Variants in GFRA2 observed in about 807,000 individuals in gnomAD.
GFRA2 encodes the protein GDNF family receptor alpha 2.
A neutral mutation model predicts 48.3 loss-of-function variants in GFRA2; 17 were observed. The ratio of observed to expected loss-of-function variants is 0.35; its 90% CI spans 0.24 to 0.53. GFRA2 has a LOEUF of 0.53. Ranked by LOEUF, GFRA2 falls within the 20% of genes least tolerant of loss-of-function variation. GFRA2 has a pLI of 0.93. For missense variants in GFRA2, 660 were observed against 637.3 expected, an observed-to-expected ratio of 1.04 and a Z score of -0.38; for synonymous variants, 305 against 257.2, an observed-to-expected ratio of 1.19 and a Z score of -1.78.
chr8:21,716,760 A>G (rs991339367), intron 4 of GFRA2, among the ~76,000 whole-genome samples: 5 of 152,236 alleles, frequency 3.3e-5, no homozygotes, highest in Non-Finnish European at 5.9e-5. Flanking sequence ...AATAGTAAAA[A>G]AACACAGCCA....
chr8:21,741,809 C>T (rs1381393074), intron 4 of GFRA2, among the ~76,000 whole-genome samples: 1 of 151,876 alleles, frequency 6.6e-6, no homozygotes, highest in Non-Finnish European at 1.5e-5. Flanking sequence ...GCAGTCCCAG[C>T]TACTCAGGAG....
At position 21,693,171 on chromosome 8, in the gene GFRA2, A is replaced by ATT; in HGVS notation, c.*105_*106dup. The ATT allele has an allele frequency of 1.1e-5, 12 of 1,061,240 alleles. No homozygotes were observed. The highest frequency in any genetic ancestry group is 3.5e-5 in the Admixed American group (1 of 28,232). 65.7% of individuals were successfully genotyped at this position (1,061,240 alleles called of 1,614,324 possible). On this transcript the variant is annotated 3_prime_UTR_variant, in exon 9 of 9. Transcript: ENST00000524240. ...GTTCAGCGACAAGGTGGGAAAAACA[A>ATT]TTTTTTTTTTGCAAGGTGTGTGTGT... is the stretch of plus-strand genomic sequence containing the variant.
At chr8:21,791,413 AC>A (rs1194935585), upstream of GFRA2, among the ~76,000 whole-genome samples, 4 of 151,868 alleles carry the variant, frequency 2.6e-5, no homozygotes, top group Non-Finnish European at 5.9e-5. Context: ...CTGACCTTGG[AC>A]CCTCTCTTAC....
intron 4 of GFRA2, among the ~76,000 whole-genome samples, chr8:21,721,225 A>G (rs1240397528): frequency 6.6e-6 from 1 of 152,194 alleles, no homozygotes; most frequent in African/African-American, 2.4e-5. Flanking sequence ...AAGATAGTTC[A>G]GCTCCCAGAA....
intron 2 of GFRA2, among the ~76,000 whole-genome samples, chr8:21,781,314 T>G (rs1435399774): frequency 1.3e-5 from 2 of 151,100 alleles, no homozygotes; most frequent in Non-Finnish European, 3.0e-5. Flanking sequence ...TGCCCCTAAT[T>G]CTCCTCCCCA....
intron 2 of GFRA2, among the ~76,000 whole-genome samples, chr8:21,798,603 TG>T (rs1174335787): frequency 6.6e-6 from 1 of 152,182 alleles, no homozygotes; most frequent in Non-Finnish European, 1.5e-5. Context: ...GGGACAAGGA[TG>T]ATCAAATGAG....
chr8:21,760,543 A>T (rs1805854618), intron 3 of GFRA2, among the ~76,000 whole-genome samples: 1 of 152,254 alleles, frequency 6.6e-6, no homozygotes, highest in Non-Finnish European at 1.5e-5. Flanking sequence ...AAGACTTGGA[A>T]GGAAAGAAGA....
At chr8:21,724,779 T>C (rs6986421) in intron 4 of GFRA2, among the ~76,000 whole-genome samples, 66,063 of 151,928 alleles carry the variant, frequency 0.43, 16,982 homozygotes, top group African/African-American at 0.73. Flanking sequence ...AAGTGTTAGC[T>C]CCCTTGACAC....
rs534582447 is a variant in GFRA2, at chr8:21,725,653, CCT to C, written c.795-19614_795-19613del. 6.6e-5 allele frequency among the ~76,000 whole-genome samples: 10 copies of C among 152,232 alleles called. No homozygotes were observed. The East Asian group carries it at 1.9e-3, about 29-fold the overall frequency. ...TAGTGCATTTAATCCTCATGAACAC[CCT>C]GAGATACACAGGTAGTGCAAAATTC... is the stretch of plus-strand genomic sequence containing the variant. On this transcript the variant is annotated intron_variant, in intron 4 of 8. Transcript: ENST00000524240.
chr8:21,753,224 C>T (rs575513623), intron 3 of GFRA2, among the ~76,000 whole-genome samples: 81 of 152,354 alleles, frequency 5.3e-4, no homozygotes, highest in Non-Finnish European at 8.4e-4. Context: ...TCACCACACA[C>T]GGCTGCTGAA....
At chr8:21,724,892 G>C (rs915813046) in intron 4 of GFRA2, among the ~76,000 whole-genome samples, 2 of 152,090 alleles carry the variant, frequency 1.3e-5, no homozygotes, top group African/African-American at 4.8e-5. Context: ...CACATACGAT[G>C]TCTTGCCTAG....
chr8:21,781,953 GC>G (rs1215623199), intron 2 of GFRA2, among the ~76,000 whole-genome samples: 1 of 151,382 alleles, frequency 6.6e-6, no homozygotes, highest in Non-Finnish European at 1.5e-5. Context: ...ACTGCCCCAA[GC>G]CCTGTAGAAG....
Position 21,788,810 on chromosome 8 carries a change from TTCTCTCTCCTCTCTC to T in GFRA2, c.-666_-652del, listed in dbSNP as rs1343822499. 8 of 984,642 alleles carry T rather than the reference TTCTCTCTCCTCTCTC, an allele frequency of 8.1e-6. No homozygotes were observed. The highest frequency in any genetic ancestry group is 8.4e-6 in the Non-Finnish European group (7 of 829,430). The allele number at this position is 984,642 out of a possible 1,614,324, so 61.0% of individuals were successfully genotyped here. Reference sequence around the variant, plus strand: ...CGTGTGTCTCTGCGTGCGTGTGTCTTTCTCTCTCCTCTCTCTCTCTCTCCTCTCCCTCGCTCGCTC... The same window carrying T: ...CGTGTGTCTCTGCGTGCGTGTGTCTTTCTCTCTCCTCTCCCTCGCTCGCTC... On this transcript the variant is annotated 5_prime_UTR_variant, in exon 1 of 9. Transcript: ENST00000524240.
chr8:21,712,995 T>C (rs1585242736), intron 4 of GFRA2, among the ~76,000 whole-genome samples: 1 of 108,328 alleles, frequency 9.2e-6, no homozygotes, highest in South Asian at 2.7e-4. Flanking sequence ...AGGGAGACCG[T>C]GGAAAGAGGG....
chr8:21,803,673 C>T (rs1417433296), intron 2 of GFRA2, among the ~76,000 whole-genome samples: 1 of 152,200 alleles, frequency 6.6e-6, no homozygotes, highest in African/African-American at 2.4e-5. Flanking sequence ...CACTCTGTCA[C>T]CCAGGCTGGA....
chr8:21,741,792 C>T (rs113866839), intron 4 of GFRA2, among the ~76,000 whole-genome samples: 12 of 151,972 alleles, frequency 7.9e-5, no homozygotes, highest in Middle Eastern at 3.4e-3. Flanking sequence ...TGTGGTGGTG[C>T]GTACCTGCAG....
chr8:21,787,273 A>AGGGGGGGGGGGGGGGG (rs1585344097), intron 1 of GFRA2, among the ~76,000 whole-genome samples: 9 of 51,802 alleles, frequency 1.7e-4, no homozygotes, highest in South Asian at 7.0e-4. Context: ...CGGGGGGGGC[A>AGGGGGGGGGGGGGGGG]GTGGGGGGGG....
chr8:21,805,941 C>T (rs1807856285), intron 1 of GFRA2, among the ~76,000 whole-genome samples: 1 of 152,198 alleles, frequency 6.6e-6, no homozygotes, highest in Non-Finnish European at 1.5e-5. Flanking sequence ...AAGGTTTGAG[C>T]CCCAGAGGGT....
intron 2 of GFRA2, among the ~76,000 whole-genome samples, chr8:21,802,073 C>T (rs1210232674): frequency 2.0e-5 from 3 of 152,244 alleles, no homozygotes; most frequent in Non-Finnish European, 4.4e-5. Context: ...TGGCAGTTTG[C>T]AGATTGGAAA....
Sources: allele counts gnomAD v4.1 joint callset (sites outside exome capture counted in the v4.1 genomes callset), GRCh38; gene constraint gnomAD v4.1.1; transcripts MANE v1.5; gene names NCBI Gene and HGNC (gene_info 2026-07-23, HGNC 2026-07-21).